FRMD4A: variants seen among roughly 807,000 people sequenced by gnomAD.
FRMD4A encodes the protein FERM domain-containing protein 4A.
A neutral mutation model predicts 129.1 loss-of-function variants in FRMD4A; 29 were observed. The ratio of observed to expected loss-of-function variants is 0.22; its 90% CI spans 0.17 to 0.31. The LOEUF (loss-of-function observed/expected upper bound fraction) is 0.31. Ranked by LOEUF, FRMD4A falls within the 10% of genes least tolerant of loss-of-function variation. The pLI is 1.00. For missense variants in FRMD4A, 1,272 were observed against 1,375.8 expected (o/e 0.92, Z 1.19); for synonymous variants, 634 against 571.6 (o/e 1.11, Z -1.56).
At chr10:14,034,063 T>G (rs12243916) in intron 2 of FRMD4A, among the ~76,000 whole-genome samples, 37,246 of 151,938 alleles carry the variant, frequency 0.25, 4,847 homozygotes, top group African/African-American at 0.33. Flanking sequence ...TCCACTATGT[T>G]GTTGAGACAC....
At chr10:14,275,832 A>T (rs1325114068) in intron 2 of FRMD4A, among the ~76,000 whole-genome samples, 1 of 152,182 alleles carries the variant, frequency 6.6e-6, no homozygotes, top group African/African-American at 2.4e-5. Context: ...TGAGTCCAGG[A>T]GTTCAAGACT....
At chr10:13,997,014 A>AAACAAAACAAAACAG (rs1466387947) in intron 2 of FRMD4A, among the ~76,000 whole-genome samples, 1 of 108,268 alleles carries the variant, frequency 9.2e-6, no homozygotes, top group Non-Finnish European at 2.1e-5. Flanking sequence ...AAACAAAACA[A>AAACAAAACAAAACAG]AACAAAACAA....
intron 2 of FRMD4A, among the ~76,000 whole-genome samples, chr10:14,186,340 G>A (rs1376741241): frequency 1.3e-5 from 2 of 152,106 alleles, no homozygotes; most frequent in African/African-American, 4.8e-5. Context: ...GACCCATGAG[G>A]AGGCATGAAG....
At position 13,737,935 on chromosome 10, in the gene FRMD4A, G is replaced by T. The variant is rs2090737551; in HGVS notation, c.673-5C>A. 1.9e-6 allele frequency: 3 copies of T among 1,566,482 alleles called. No homozygotes were observed. Among genetic ancestry groups the T allele is most frequent in the Non-Finnish European group, 2.6e-6 (3 of 1,137,238 alleles). ...CCATGGTATGCCCTGCTTGTCCTAG[G>T]ATATCAAAAAAAGTTTGGGTGAATA... is the stretch of plus-strand genomic sequence containing the variant. On this transcript the variant is annotated splice_region_variant and splice_polypyrimidine_tract_variant and intron_variant, in intron 11 of 24. Transcript: ENST00000357447.
intron 19 of FRMD4A, among the ~76,000 whole-genome samples, chr10:13,660,771 G>A (rs911905489): frequency 2.6e-5 from 4 of 152,202 alleles, no homozygotes; most frequent in African/African-American, 9.7e-5. Flanking sequence ...CTGCAGGCGG[G>A]ATTGCATGGG....
At chr10:14,123,102 T>G (rs1038463528) in intron 2 of FRMD4A, among the ~76,000 whole-genome samples, 29 of 131,022 alleles carry the variant, frequency 2.2e-4, no homozygotes. Flanking sequence ...AAAAAACCTT[T>G]TAAACTATTT....
intron 2 of FRMD4A, among the ~76,000 whole-genome samples, chr10:14,230,015 C>G (rs1175554729): frequency 6.6e-6 from 1 of 152,192 alleles, no homozygotes; most frequent in East Asian, 1.9e-4. Context: ...TAGAGGAAGG[C>G]TGATCTAATT....
intron 16 of FRMD4A, among the ~76,000 whole-genome samples, chr10:13,671,681 G>T (rs558250078): frequency 6.6e-6 from 1 of 152,340 alleles, no homozygotes; most frequent in East Asian, 1.9e-4. Context: ...TGAGTGAGTT[G>T]TATCAGGGCT....
chr10:14,243,707 G>GA (rs1413602973), intron 2 of FRMD4A, among the ~76,000 whole-genome samples: 4 of 150,100 alleles, frequency 2.7e-5, no homozygotes, highest in Admixed American at 6.7e-5. Context: ...TCAGAAGACA[G>GA]AAAAAAAAGA....
At chr10:14,253,341 T>A (rs1370242880) in intron 2 of FRMD4A, among the ~76,000 whole-genome samples, 1 of 152,220 alleles carries the variant, frequency 6.6e-6, no homozygotes, top group African/African-American at 2.4e-5. Context: ...TTTATCCCCA[T>A]ATTTTGCCAG....
At position 13,840,969 on chromosome 10, in the gene FRMD4A, A is replaced by G. The variant is rs928154399; in HGVS notation, c.111+17878T>C. ...CAGAAAATAAAAGAATTAGACAGGC[A>G]TGGTGGTGCATGTCTGCCGTCCAAG... On this transcript the variant is annotated intron_variant, in intron 3 of 24. Transcript: ENST00000357447. Among the ~76,000 whole-genome samples the G allele has an allele frequency of 5.9e-5, 9 of 152,084 alleles. No individual in the cohort carries two copies. The Middle Eastern group carries it at 0.014, about 230-fold the overall frequency.
intron 2 of FRMD4A, among the ~76,000 whole-genome samples, chr10:14,202,099 T>C (rs933690511): frequency 9.9e-5 from 15 of 151,466 alleles, no homozygotes; most frequent in Non-Finnish European, 1.8e-4. Context: ...GATCGTGCCA[T>C]TGTACTCCAA....
chr10:13,835,638 A>G (rs1326006301), intron 3 of FRMD4A, among the ~76,000 whole-genome samples: 1 of 152,176 alleles, frequency 6.6e-6, no homozygotes, highest in Non-Finnish European at 1.5e-5. Context: ...GTGCTCCATC[A>G]GGTGTCTAAT....
At chr10:14,099,910 C>G (rs1188104560) in intron 2 of FRMD4A, among the ~76,000 whole-genome samples, 1 of 152,206 alleles carries the variant, frequency 6.6e-6, no homozygotes, top group East Asian at 1.9e-4. Flanking sequence ...CTAGTTTGAC[C>G]CAAGGCAACC....
intron 4 of FRMD4A, among the ~76,000 whole-genome samples, chr10:13,803,751 A>T (rs1021613237): frequency 3.3e-5 from 5 of 152,238 alleles, no homozygotes; most frequent in Non-Finnish European, 7.3e-5. Flanking sequence ...TCCAGTGGTT[A>T]AGAGCAGATG....
Position 13,660,489 on chromosome 10 carries a change from C to T in FRMD4A, c.1725G>A (p.Arg575=). ...LHSPHKGLPP[R]PPSHNRPPPP... ...GAGGAGGCCTGTTGTGCGACGGTGG[C>T]CGAGGAGGGAGTCCCTTGTGAGGAG... The change falls in exon 20 of 25, where the codon CGG becomes CGA. Residue 575 remains arginine, a synonymous_variant. Coordinates refer to ENST00000357447, the MANE Select transcript of FRMD4A (RefSeq NM_018027.5). The T allele has an allele frequency of 1.2e-6, 2 of 1,613,984 alleles. No homozygotes were observed. Among genetic ancestry groups the T allele is most frequent in the South Asian group, 1.1e-5 (1 of 91,062 alleles).
At position 14,219,613 on chromosome 10, in the gene FRMD4A, C is replaced by T. The variant is rs112498058; in HGVS notation, c.45+110445G>A. ...GCTTTTTCTACTGAGTCACAGTGCT[C>T]GGTGTGATCCTGACTGTTCCCAAGA... On this transcript the variant is annotated intron_variant, in intron 2 of 24. Coordinates refer to ENST00000357447, the MANE Select transcript of FRMD4A (RefSeq NM_018027.5). Among the ~76,000 whole-genome samples, 3 of 152,234 alleles carry T rather than the reference C, an allele frequency of 2.0e-5. 1 individual carries two copies. The highest frequency in any genetic ancestry group is 7.2e-5 in the African/African-American group (3 of 41,538).
intron 15 of FRMD4A, among the ~76,000 whole-genome samples, chr10:13,686,121 C>T (rs2134785272): frequency 6.6e-6 from 1 of 152,318 alleles, no homozygotes; most frequent in South Asian, 2.1e-4. Context: ...TTTGGCTGCG[C>T]CCTGGGGCAG....
chr10:14,281,446 C>A (rs1426946012), intron 2 of FRMD4A, among the ~76,000 whole-genome samples: 1 of 152,190 alleles, frequency 6.6e-6, no homozygotes, highest in Non-Finnish European at 1.5e-5. Flanking sequence ...AGAAACCAAC[C>A]CTGCTGATAA....
Sources: allele counts gnomAD v4.1 joint callset (sites outside exome capture counted in the v4.1 genomes callset), GRCh38; gene constraint gnomAD v4.1.1; transcripts MANE v1.5; gene names NCBI Gene and HGNC (gene_info 2026-07-23, HGNC 2026-07-21).